Variants in CD69 observed in about 807,000 individuals in gnomAD.
CD69 encodes CD69 molecule.
In CD69, 10 loss-of-function variants were observed where a neutral mutation model predicts 21.4. That is an observed-to-expected ratio of 0.47 (90% CI 0.29 to 0.79). CD69 has a LOEUF of 0.79. Among genes scored for constraint, CD69 ranks in the 30% least tolerant of loss-of-function variants. CD69 has a pLI of 0.09. For missense variants in CD69, 204 were observed against 236.9 expected (o/e 0.86, Z 0.91); for synonymous variants, 63 against 78.2 (o/e 0.81, Z 1.03).
intron 2 of CD69, 121 bp downstream of exon 2, chr12:9,756,176 C>T (rs2121099670): frequency 2.5e-6 from 2 of 802,300 alleles, no homozygotes; most frequent in Non-Finnish European, 3.8e-6. Flanking sequence ...ATATATGGTA[C>T]ATGGGATGAT....
chr12:9,753,359 C>A lies in CD69; in HGVS notation c.*122G>T. The A allele has an allele frequency of 2.6e-6, 1 of 391,622 alleles. No homozygotes were observed. Among genetic ancestry groups the A allele is most frequent in the Non-Finnish European group, 4.6e-6 (1 of 216,372 alleles). The allele number at this position is 391,622 out of a possible 1,614,324, so 24.3% of individuals were successfully genotyped here. A position where few individuals can be genotyped will look rare whatever the true frequency, so the allele number is the denominator to read the frequency against. On this transcript the variant is annotated 3_prime_UTR_variant, in exon 5 of 5. Coordinates refer to ENST00000228434, the MANE Select transcript of CD69 (RefSeq NM_001781.2). ...TCTGTTTGGAAGAAAATTCCCAAGA[C>A]ACTATAAAATTTTTTTTCACAAAGT...
In CD69 at chr12:9,756,381, C is replaced by G. The variant is rs1282100243; in HGVS notation, c.103G>C (p.Gly35Arg). The G allele has an allele frequency of 1.9e-6, 3 of 1,613,622 alleles. No homozygotes were observed. The highest frequency in any genetic ancestry group is 2.5e-6 in the Non-Finnish European group (3 of 1,179,740). ...TSPHFSTRHE[G>R]SFQVPVLCAV... ...CACAGGACAGGAACTTGGAAGGACCCTTCATGACGTGTTGAGAAATGGGGA... is the reference window on the plus strand; with the variant it reads ...CACAGGACAGGAACTTGGAAGGACCGTTCATGACGTGTTGAGAAATGGGGA... The change falls in exon 2 of 5, where the codon GGG becomes CGG. Residue 35 changes from glycine (G) to arginine (R), a missense_variant. Physicochemically the swap from Gly to Arg is moderately radical, Grantham distance 125. Transcript: ENST00000228434.
At chr12:9,754,228 A>G (rs1866656551) in intron 4 of CD69, 1 of 161,046 alleles carries the variant, frequency 6.2e-6, no homozygotes, top group Non-Finnish European at 1.3e-5. Context: ...AGAAGGATTT[A>G]TTTTCCAGCA....
intron 2 of CD69, 147 bp downstream of exon 2, chr12:9,756,150 G>A: frequency 2.0e-6 from 1 of 509,626 alleles, no homozygotes; most frequent in East Asian, 3.2e-5. Flanking sequence ...GTTTAGTATT[G>A]ATTAGGAAAT....
chr12:9,753,547 GT>G lies in CD69; in HGVS notation c.533del (p.Asn178ThrfsTer54). ...CACATTCCATGCTGCTGACCTCTGT[GT>G]TTTTCAGAAAAACACACTTGTCAGA... is the stretch of plus-strand genomic sequence containing the variant. ...TGSDKCVFLKNTEVSSMECEK... is the reference protein window; with the variant it reads ...TGSDKCVFLKXTEVSSMECEK... On this transcript the variant is annotated frameshift_variant, in exon 5 of 5. Transcript: ENST00000228434. LOFTEE classifies it low-confidence loss of function (END_TRUNC). 1 of 1,589,078 alleles carries G rather than the reference GT, an allele frequency of 6.3e-7. No homozygotes were observed. Among genetic ancestry groups the G allele is most frequent in the Non-Finnish European group, 8.6e-7 (1 of 1,159,594 alleles).
At chr12:9,754,959 A>ATGTT (rs755991041) in intron 3 of CD69, 103 bp downstream of exon 3, 38 of 987,700 alleles carry the variant, frequency 3.8e-5, no homozygotes, top group African/African-American at 1.9e-4. Context: ...AATAGGTACA[A>ATGTT]TGTTTGTTTG....
chr12:9,754,805 A>G (rs1055418515), intron 3 of CD69, 115 bp from the exon 4 acceptor site: 3 of 773,208 alleles, frequency 3.9e-6, no homozygotes, highest in South Asian at 1.5e-5. Context: ...CTGACCATGT[A>G]CTCATTCTAT....
At chr12:9,758,784 C>G (rs750706873) in intron 1 of CD69, among the ~76,000 whole-genome samples, 4 of 152,184 alleles carry the variant, frequency 2.6e-5, no homozygotes, top group Non-Finnish European at 5.9e-5. Context: ...CTCAGTATTG[C>G]AACAGCTCTG....
At chr12:9,758,876 A>G (rs903671867) in intron 1 of CD69, among the ~76,000 whole-genome samples, 1 of 152,204 alleles carries the variant, frequency 6.6e-6, no homozygotes, top group Non-Finnish European at 1.5e-5. Context: ...CGAGGGAGTA[A>G]GCTTTGGGAT....
chr12:9,755,817 T>C (rs925881036), intron 2 of CD69: 1 of 154,552 alleles, frequency 6.5e-6, no homozygotes, highest in Non-Finnish European at 1.4e-5. Flanking sequence ...ACCAAATCAC[T>C]ACTGACTCTC....
intron 4 of CD69, chr12:9,754,240 C>T (rs1377825679): frequency 6.2e-6 from 1 of 162,444 alleles, no homozygotes; most frequent in Non-Finnish European, 1.3e-5. Flanking sequence ...TTTCCAGCAA[C>T]TGTCTTATTA....
At chr12:9,753,711 CA>C (rs1258412362) in intron 4 of CD69, 122 bp from the exon 5 acceptor site, 58 of 488,320 alleles carry the variant, frequency 1.2e-4, no homozygotes, top group Admixed American at 2.4e-4. Flanking sequence ...ATACACAAGT[CA>C]AATAATCATA....
In CD69 at chr12:9,756,352, A is replaced by G; in HGVS notation, c.132T>C (p.Ala44=). The change falls in exon 2 of 5, where the codon GCT becomes GCC. Residue 44 remains alanine, a synonymous_variant. Transcript: ENST00000228434. ...TGGTGATGAAGACCACATTCATTACAGCACACAGGACAGGAACTTGGAAGG... is the reference window on the plus strand; with the variant it reads ...TGGTGATGAAGACCACATTCATTACGGCACACAGGACAGGAACTTGGAAGG... The part of the protein sequence containing the change: ...EGSFQVPVLC[A]VMNVVFITIL... 6.2e-7 allele frequency: 1 copy of G among 1,613,638 alleles called. No individual in the cohort carries two copies. Among genetic ancestry groups the G allele is most frequent in the Non-Finnish European group, 8.5e-7 (1 of 1,179,562 alleles).
chr12:9,759,081 C>A (rs974771787), intron 1 of CD69, among the ~76,000 whole-genome samples: 4 of 151,944 alleles, frequency 2.6e-5, no homozygotes, highest in Non-Finnish European at 5.9e-5. Flanking sequence ...AGGCGCCCGC[C>A]CCCACGCCCG....
intron 3 of CD69, 28 bp downstream of exon 3, chr12:9,755,034 T>C (rs747260248): frequency 6.4e-7 from 1 of 1,558,068 alleles, no homozygotes; most frequent in Non-Finnish European, 8.9e-7. Context: ...ATTAAAATAG[T>C]AGTATTTTAT....
In CD69 at chr12:9,752,576, T is replaced by G. The variant is rs750788126; in HGVS notation, c.*905A>C. The stretch of plus-strand genomic sequence containing the variant: ...ACAAACAAATACATTTTATTGCACA[T>G]AAAAATATTTTAAATGAAGTATTGA... On this transcript the variant is annotated 3_prime_UTR_variant, in exon 5 of 5. Coordinates refer to ENST00000228434, the MANE Select transcript of CD69 (RefSeq NM_001781.2). 7.2e-5 allele frequency: 11 copies of G among 152,608 alleles called. No homozygotes were observed. The highest frequency in any genetic ancestry group is 1.2e-4 in the Non-Finnish European group (8 of 68,012). 9.5% of individuals were successfully genotyped at this position (152,608 alleles called of 1,614,324 possible). A position where few individuals can be genotyped will look rare whatever the true frequency, so the allele number is the denominator to read the frequency against.
intron 1 of CD69, among the ~76,000 whole-genome samples, chr12:9,757,637 G>T (rs1390024129): frequency 6.6e-6 from 1 of 152,096 alleles, no homozygotes; most frequent in Non-Finnish European, 1.5e-5. Flanking sequence ...AAAATGTTGA[G>T]TGAAAAAAAA....
chr12:9,753,822 A>G (rs2121096743), intron 4 of CD69, among the ~76,000 whole-genome samples: 1 of 152,314 alleles, frequency 6.6e-6, no homozygotes, highest in Non-Finnish European at 1.5e-5. Flanking sequence ...TTTGGTTGGC[A>G]TGGCACCAGA....
In CD69 at chr12:9,756,293, C is replaced by T; in HGVS notation, c.187+4G>A. ...TTGAAAGAATTGATGAAGTGTAGAC[C>T]CACCTGATAAGGCAATGAGAGCTAT... is the stretch of plus-strand genomic sequence containing the variant. On this transcript the variant is annotated splice_donor_region_variant and intron_variant, in intron 2 of 4. Coordinates refer to ENST00000228434, the MANE Select transcript of CD69 (RefSeq NM_001781.2). The T allele has an allele frequency of 6.2e-7, 1 of 1,610,720 alleles. No homozygotes were observed. The highest frequency in any genetic ancestry group is 8.5e-7 in the Non-Finnish European group (1 of 1,178,100).
Sources: gnomAD v4.1 joint callset for allele counts (sites outside exome capture counted in the v4.1 genomes callset) on GRCh38, gnomAD v4.1.1 for gene constraint, MANE v1.5 for transcripts, NCBI Gene and HGNC (gene_info 2026-07-23, HGNC 2026-07-21) for gene names.